The following UBE2H variants were observed in gnomAD, a reference collection of about 807,000 sequenced individuals.
UBE2H encodes ubiquitin conjugating enzyme E2 H, also known as ubiquitin-conjugating enzyme E2 H.
UBE2H carries 3 observed loss-of-function variants against 29.0 expected under a neutral mutation model. The ratio of observed to expected loss-of-function variants is 0.10; its 90% CI spans 0.05 to 0.27. The LOEUF is 0.27. Ranked by LOEUF, UBE2H falls within the 10% of genes least tolerant of loss-of-function variation. The pLI, the probability that UBE2H is intolerant of heterozygous loss-of-function variation, is 1.00. For missense variants in UBE2H, 68 were observed against 228.2 expected, an observed-to-expected ratio of 0.30 and a Z score of 4.52; for synonymous variants, 69 against 82.9, an observed-to-expected ratio of 0.83 and a Z score of 0.91.
intron 5 of UBE2H, among the ~76,000 whole-genome samples, chr7:129,847,631 A>ATGCCCAG: frequency 6.6e-6 from 1 of 152,320 alleles, no homozygotes; most frequent in African/African-American, 2.4e-5. Context: ...GTGAGCTACC[A>ATGCCCAG]TGCCCAGCTG....
At chr7:129,904,799 A>C (rs1806783396) in intron 1 of UBE2H, among the ~76,000 whole-genome samples, 1 of 152,224 alleles carries the variant, frequency 6.6e-6, no homozygotes. Flanking sequence ...GGAAATGAAC[A>C]ATCAATAAAC....
At position 129,847,321 on chromosome 7, in the gene UBE2H, T is replaced by C. The variant is rs1045302472; in HGVS notation, c.299-7986A>G. On this transcript the variant is annotated intron_variant, in intron 5 of 6. Transcript: ENST00000355621. ...TCCCAAAGTGCTGGGATTACAGGCA[T>C]GAGCCACCGCGCCTGGCCATCCTAC... Among the ~76,000 whole-genome samples, 17 of 152,212 alleles carry C rather than the reference T, an allele frequency of 1.1e-4. No individual in the cohort carries two copies. In the East Asian group the frequency reaches 3.1e-3, roughly 28 times the overall value.
intron 3 of UBE2H, among the ~76,000 whole-genome samples, chr7:129,865,576 C>T (rs1805888133): frequency 6.6e-6 from 1 of 152,282 alleles, no homozygotes; most frequent in Admixed American, 6.5e-5. Flanking sequence ...GTGAAGATCA[C>T]CAAAGGCCAA....
At chr7:129,940,975 G>A (rs1807630464) in intron 1 of UBE2H, among the ~76,000 whole-genome samples, 1 of 152,006 alleles carries the variant, frequency 6.6e-6, no homozygotes, top group Admixed American at 6.6e-5. Flanking sequence ...TTTTTTTGGA[G>A]ACGGAGTCAC....
chr7:129,839,124 G>A (rs1563018047), intron 6 of UBE2H, 83 bp downstream of exon 6: 3 of 1,553,106 alleles, frequency 1.9e-6, no homozygotes, highest in Non-Finnish European at 2.6e-6. Flanking sequence ...TAGGAACTAA[G>A]TAATTTAAGA....
intron 1 of UBE2H, among the ~76,000 whole-genome samples, chr7:129,917,965 A>G (rs1807077347): frequency 6.6e-6 from 1 of 152,228 alleles, no homozygotes; most frequent in African/African-American, 2.4e-5. Flanking sequence ...GCACACGCGA[A>G]TAAGTGCTTA....
intron 1 of UBE2H, among the ~76,000 whole-genome samples, chr7:129,936,317 G>A (rs750892438): frequency 3.3e-5 from 5 of 152,118 alleles, no homozygotes; most frequent in African/African-American, 9.7e-5. Context: ...TTTCTAAGCC[G>A]GGCACGGTGG....
intron 1 of UBE2H, among the ~76,000 whole-genome samples, chr7:129,891,661 G>A (rs2116399658): frequency 6.6e-6 from 1 of 152,146 alleles, no homozygotes; most frequent in South Asian, 2.1e-4. Context: ...CATTAGCTGG[G>A]CATGGTGGCA....
At chr7:129,855,632 A>C (rs1023984402) in intron 5 of UBE2H, among the ~76,000 whole-genome samples, 1 of 152,220 alleles carries the variant, frequency 6.6e-6, no homozygotes, top group Non-Finnish European at 1.5e-5. Context: ...GTGCGTGTGT[A>C]TAGAGAGAGA....
chr7:129,892,084 C>G (rs1386670533), intron 1 of UBE2H, among the ~76,000 whole-genome samples: 1 of 151,672 alleles, frequency 6.6e-6, no homozygotes, highest in African/African-American at 2.4e-5. Flanking sequence ...TCCCAAGCAG[C>G]TGGGACTACA....
rs1807911665 is a variant in UBE2H at position 129,952,806 on chromosome 7, C to T, written c.-251G>A. 3.3e-6 allele frequency: 1 copy of T among 303,358 alleles called. No homozygotes were observed. Among genetic ancestry groups the T allele is most frequent in the Non-Finnish European group, 6.0e-6 (1 of 167,386 alleles). The allele number at this position is 303,358 out of a possible 1,614,324, so 18.8% of individuals were successfully genotyped here. A position where few individuals can be genotyped will look rare whatever the true frequency, so the allele number is the denominator to read the frequency against. On this transcript the variant is annotated 5_prime_UTR_variant, in exon 1 of 7. Transcript: ENST00000355621. ...TCTCCGGCTGTGGTTCCGCCGCGGC[C>T]CTGCCCCGGCGCTCCTCTGCGCCGC...
intron 1 of UBE2H, among the ~76,000 whole-genome samples, chr7:129,941,045 C>G (rs1052461101): frequency 3.9e-5 from 6 of 152,108 alleles, no homozygotes; most frequent in Non-Finnish European, 8.8e-5. Context: ...ACCTCCACCT[C>G]CCGGGTTCAA....
At chr7:129,946,968 A>G (rs1204613100) in intron 1 of UBE2H, among the ~76,000 whole-genome samples, 1 of 152,216 alleles carries the variant, frequency 6.6e-6, no homozygotes, top group Non-Finnish European at 1.5e-5. Context: ...CAAATCTGTT[A>G]AGACTGAAAA....
chr7:129,928,136 T>G (rs1476370725), intron 1 of UBE2H, among the ~76,000 whole-genome samples: 1 of 149,174 alleles, frequency 6.7e-6, no homozygotes, highest in Admixed American at 6.7e-5. Context: ...TTCAAGACCA[T>G]CCTGGCCAAC....
At chr7:129,859,897 T>TCTC (rs1285202065) in intron 3 of UBE2H, among the ~76,000 whole-genome samples, 2 of 151,718 alleles carry the variant, frequency 1.3e-5, no homozygotes, top group African/African-American at 4.8e-5. Context: ...CTCTCTCTCA[T>TCTC]ATTCATTCAG....
intron 3 of UBE2H, among the ~76,000 whole-genome samples, chr7:129,864,842 G>A (rs1468579076): frequency 2.0e-5 from 3 of 152,004 alleles, no homozygotes; most frequent in Non-Finnish European, 2.9e-5. Flanking sequence ...GTGAGCCACC[G>A]TGCCCGGCCA....
At chr7:129,892,606 G>A (rs115203912) in intron 1 of UBE2H, among the ~76,000 whole-genome samples, 1,962 of 152,228 alleles carry the variant, frequency 0.013, 38 homozygotes, top group African/African-American at 0.044. Flanking sequence ...TTGCTATACT[G>A]TACTACAAAA....
intron 3 of UBE2H, among the ~76,000 whole-genome samples, chr7:129,877,533 A>G (rs940744243): frequency 1.3e-5 from 2 of 152,174 alleles, no homozygotes; most frequent in Non-Finnish European, 2.9e-5. Flanking sequence ...TAGAGGAAAC[A>G]AGAACAGCTT....
At chr7:129,882,561 T>C (rs1301556462) in intron 1 of UBE2H, among the ~76,000 whole-genome samples, 1 of 152,202 alleles carries the variant, frequency 6.6e-6, no homozygotes, top group African/African-American at 2.4e-5. Flanking sequence ...TTAAATAAGA[T>C]AGTTCAGTCT....
Sources: gnomAD v4.1 joint callset for allele counts (sites outside exome capture counted in the v4.1 genomes callset) on GRCh38, gnomAD v4.1.1 for gene constraint, MANE v1.5 for transcripts, NCBI Gene and HGNC (gene_info 2026-07-23, HGNC 2026-07-21) for gene names.